Variants in RHOJ observed in about 807,000 individuals in gnomAD.
RHOJ encodes rho-related GTP-binding protein RhoJ.
A neutral mutation model predicts 23.4 loss-of-function variants in RHOJ; 11 were observed. That is an observed-to-expected ratio of 0.47 (90% CI 0.30 to 0.78). The LOEUF is 0.78. Among genes scored for constraint, RHOJ ranks in the 30% least tolerant of loss-of-function variants. RHOJ has a pLI of 0.08. For missense variants in RHOJ, 254 were observed against 273.4 expected (o/e 0.93, Z 0.50); for synonymous variants, 102 against 102.7 (o/e 0.99, Z 0.04).
intron 1 of RHOJ, among the ~76,000 whole-genome samples, chr14:63,212,415 G>A (rs1894258111): frequency 6.6e-6 from 1 of 152,106 alleles, no homozygotes; most frequent in African/African-American, 2.4e-5. Flanking sequence ...CTTTTCCCCA[G>A]AAGGACCACC....
chr14:63,280,552 T>G (rs1881865660), intron 2 of RHOJ, among the ~76,000 whole-genome samples: 1 of 152,134 alleles, frequency 6.6e-6, no homozygotes, highest in South Asian at 2.1e-4. Flanking sequence ...GTAAAATATA[T>G]TTTTAAAGGT....
chr14:63,206,445 G>C (rs934910289), intron 1 of RHOJ, among the ~76,000 whole-genome samples: 1 of 152,162 alleles, frequency 6.6e-6, no homozygotes, highest in Non-Finnish European at 1.5e-5. Context: ...CCTTGAGAAA[G>C]TTCCTCAGAT....
intron 1 of RHOJ, among the ~76,000 whole-genome samples, chr14:63,254,443 AG>A (rs1226978731): frequency 6.6e-6 from 1 of 151,802 alleles, no homozygotes; most frequent in South Asian, 2.1e-4. Flanking sequence ...CTCCTGGGGG[AG>A]GGGGGCATTT....
Position 63,264,045 on chromosome 14 carries a change from C to T in RHOJ, c.179-5065C>T, listed in dbSNP as rs138146857. Among the ~76,000 whole-genome samples the T allele has an allele frequency of 2.0e-5, 3 of 152,008 alleles. No individual in the cohort carries two copies. The East Asian group carries it at 5.8e-4, about 30-fold the overall frequency. On this transcript the variant is annotated intron_variant, in intron 1 of 4. Coordinates refer to ENST00000316754, the MANE Select transcript of RHOJ (RefSeq NM_020663.5). ...AGGGAGTACATCTGTAGGTTTGTTC[C>T]ATGGGTATCGTGAATGACACTGAGG...
intron 1 of RHOJ, among the ~76,000 whole-genome samples, chr14:63,210,696 C>T (rs1470224026): frequency 1.3e-5 from 2 of 152,162 alleles, no homozygotes; most frequent in African/African-American, 4.8e-5. Context: ...AATATTCTTA[C>T]CGATTAATGT....
chr14:63,236,497 A>G (rs1894791571), intron 1 of RHOJ, among the ~76,000 whole-genome samples: 1 of 152,078 alleles, frequency 6.6e-6, no homozygotes, highest in Admixed American at 6.6e-5. Flanking sequence ...TTGTGCAGGG[A>G]AAAGTCCCCT....
chr14:63,228,628 TAA>T (rs201370184), intron 1 of RHOJ, among the ~76,000 whole-genome samples: 6 of 143,284 alleles, frequency 4.2e-5, no homozygotes, highest in African/African-American at 2.6e-5. Flanking sequence ...CATATGTGGT[TAA>T]AAAAAAAAAA....
chr14:63,234,189 T>C (rs752902621), intron 1 of RHOJ, among the ~76,000 whole-genome samples: 40 of 152,356 alleles, frequency 2.6e-4, no homozygotes, highest in Non-Finnish European at 5.0e-4. Context: ...TCCCATACTA[T>C]GATTCCTTAA....
At chr14:63,286,016 T>G (rs1034837826) in intron 4 of RHOJ, among the ~76,000 whole-genome samples, 1 of 152,228 alleles carries the variant, frequency 6.6e-6, no homozygotes, top group Non-Finnish European at 1.5e-5. Context: ...ACTCTTTAAC[T>G]TGGCACCTGC....
chr14:63,244,712 G>C (rs1376041915), intron 1 of RHOJ, among the ~76,000 whole-genome samples: 1 of 152,156 alleles, frequency 6.6e-6, no homozygotes, highest in African/African-American at 2.4e-5. Context: ...TCTAATCCTT[G>C]CAAGAATAAC....
chr14:63,266,784 C>T (rs1895375024), intron 1 of RHOJ, among the ~76,000 whole-genome samples: 1 of 152,144 alleles, frequency 6.6e-6, no homozygotes, highest in Non-Finnish European at 1.5e-5. Flanking sequence ...AGTCATTTAT[C>T]AATTCTATGA....
chr14:63,269,329 A>ATATT (rs1895424665), intron 2 of RHOJ, 161 bp downstream of exon 2: 2 of 491,730 alleles, frequency 4.1e-6, no homozygotes, highest in Non-Finnish European at 7.2e-6. Flanking sequence ...CACATTCTCA[A>ATATT]TATTTTAAAA....
chr14:63,281,572 C>A lies in RHOJ; in HGVS notation c.402+437C>A, dbSNP rs982697872. On this transcript the variant is annotated intron_variant, in intron 3 of 4. Transcript: ENST00000316754. ...CAGAATAGGCATTCTATGACAGGAA[C>A]TCTTTAATTACACTTCCGGAGAAGG... Among the ~76,000 whole-genome samples, 9 of 152,006 alleles carry A rather than the reference C, an allele frequency of 5.9e-5. No homozygotes were observed. The East Asian group carries it at 9.7e-4, about 16-fold the overall frequency.
At chr14:63,255,915 A>C (rs972623706) in intron 1 of RHOJ, among the ~76,000 whole-genome samples, 1 of 151,568 alleles carries the variant, frequency 6.6e-6, no homozygotes, top group African/African-American at 2.4e-5. Context: ...GCTGGAGTGC[A>C]TGGAGTGCAG....
chr14:63,253,580 T>G (rs1408931060), intron 1 of RHOJ, among the ~76,000 whole-genome samples: 3 of 152,210 alleles, frequency 2.0e-5, no homozygotes, highest in African/African-American at 7.2e-5. Context: ...TGTATTCATC[T>G]AGGACACTTC....
In RHOJ at chr14:63,291,305, G is replaced by T; in HGVS notation, c.*281G>T. 2.3e-6 allele frequency: 1 copy of T among 432,102 alleles called. No homozygotes were observed. The highest frequency in any genetic ancestry group is 4.3e-6 in the Non-Finnish European group (1 of 233,668). The allele number at this position is 432,102 out of a possible 1,614,324, so 26.8% of individuals were successfully genotyped here. ...GATCGCATCAAAAACAAAGTCAAAG[G>T]CCATCTCACATTTTACAAATCCCCA... On this transcript the variant is annotated 3_prime_UTR_variant, in exon 5 of 5. Coordinates refer to ENST00000316754, the MANE Select transcript of RHOJ (RefSeq NM_020663.5).
At chr14:63,263,353 G>T (rs1419562514) in intron 1 of RHOJ, among the ~76,000 whole-genome samples, 1 of 152,210 alleles carries the variant, frequency 6.6e-6, no homozygotes, top group Admixed American at 6.5e-5. Flanking sequence ...ATAGGACACA[G>T]GCTGGCAAGC....
intron 1 of RHOJ, among the ~76,000 whole-genome samples, chr14:63,255,515 C>G (rs1010176920): frequency 1.3e-5 from 2 of 152,192 alleles, no homozygotes; most frequent in Non-Finnish European, 2.9e-5. Context: ...ACCAGACCAT[C>G]TGAAATAGAA....
At position 63,269,187 on chromosome 14, in the gene RHOJ, G is replaced by A. The variant is rs746956250; in HGVS notation, c.237+19G>A. ...GGGACAGGTACATTTTTATTATCTT[G>A]ATTCATTGGAGGGCGGTGGTGTAGG... On this transcript the variant is annotated intron_variant, in intron 2 of 4. Transcript: ENST00000316754. 6.3e-6 allele frequency: 10 copies of A among 1,594,574 alleles called. No individual in the cohort carries two copies. In the East Asian group the frequency reaches 2.2e-4, roughly 36 times the overall value.
Sources: gnomAD v4.1 joint callset for allele counts (sites outside exome capture counted in the v4.1 genomes callset) on GRCh38, gnomAD v4.1.1 for gene constraint, MANE v1.5 for transcripts, NCBI Gene and HGNC (gene_info 2026-07-23, HGNC 2026-07-21) for gene names.